The following OGDHL variants were observed in gnomAD, a reference collection of about 807,000 sequenced individuals.
The protein encoded by OGDHL is 2-oxoglutarate dehydrogenase-like, mitochondrial.
OGDHL carries 79 observed loss-of-function variants against 109.6 expected under a neutral mutation model. The ratio of observed to expected loss-of-function variants is 0.72; its 90% confidence interval spans 0.60 to 0.87. The LOEUF (loss-of-function observed/expected upper bound fraction) is 0.87. Among genes scored for constraint, OGDHL ranks in the 40% least tolerant of loss-of-function variants. The pLI is 0.00. For synonymous variants in OGDHL, 528 were observed against 537.2 expected (o/e 0.98, Z 0.24); for missense variants, 1,275 against 1,362.2 (o/e 0.94, Z 1.01).
At chr10:49,755,587 A>G (rs1842869831) in intron 3 of OGDHL, among the ~76,000 whole-genome samples, 1 of 152,034 alleles carries the variant, frequency 6.6e-6, no homozygotes, top group South Asian at 2.1e-4. Flanking sequence ...TGTGCAGGTG[A>G]TTCTAACCAC....
At chr10:49,757,090 C>A in intron 2 of OGDHL, 144 bp from the exon 3 acceptor site, 3 of 695,288 alleles carry the variant, frequency 4.3e-6, no homozygotes, top group South Asian at 4.9e-5. Context: ...GATGTACATA[C>A]AACGATGTTC....
intron 16 of OGDHL, 97 bp from the exon 17 acceptor site, chr10:49,739,936 C>G (rs982986441): frequency 3.2e-6 from 4 of 1,269,178 alleles, no homozygotes; most frequent in Non-Finnish European, 4.3e-6. Flanking sequence ...TCCATGCCCC[C>G]ACCCATCCTT....
intron 10 of OGDHL, 126 bp downstream of exon 10, chr10:49,746,624 T>C: frequency 7.9e-7 from 1 of 1,261,700 alleles, no homozygotes; most frequent in Non-Finnish European, 1.1e-6. Flanking sequence ...AAGAGCAGGG[T>C]CCTGCCTGGT....
At chr10:49,740,625 G>A in intron 16 of OGDHL, 85 bp downstream of exon 16, 1 of 1,505,118 alleles carries the variant, frequency 6.6e-7, no homozygotes, top group Non-Finnish European at 8.9e-7. Flanking sequence ...GCCCCTCCCA[G>A]GCCCTGGCCC....
In OGDHL at chr10:49,745,443, C is replaced by T. The variant is rs762511100; in HGVS notation, c.1530G>A (p.Gln510=). 1.2e-6 allele frequency: 2 copies of T among 1,614,164 alleles called. No homozygotes were observed. Among genetic ancestry groups the T allele is most frequent in the East Asian group, 4.5e-5 (2 of 44,876 alleles). The part of the protein sequence containing the change: ...HNEMDEPMFT[Q]PLMYKQIHRQ... ...TGTGGATCTGCTTGTACATGAGCGG[C>T]TGGGTGAACATGGGCTCGTCCATCT... Residue 510 remains glutamine, a synonymous_variant, in exon 12 of 23, where the codon CAG becomes CAA. Transcript: ENST00000374103.
rs1196603957 is a variant in OGDHL at position 49,751,861 on chromosome 10, G to A, written c.715C>T (p.Arg239Trp). Residue 239 changes from arginine (R) to tryptophan (W), a missense_variant, in exon 6 of 23, where the codon CGG (arginine) becomes TGG (tryptophan). By Grantham distance (101) the Arg-to-Trp change is moderately radical. Coordinates refer to ENST00000374103, the MANE Select transcript of OGDHL (RefSeq NM_018245.3). ...GVMQFSSEEK[R>W]TLLARLVRSM... is the part of the protein sequence containing the mutation. ...CGCACTAGCCGGGCCAGCAGGGTCC[G>A]CTTCTCCTCGCTGGAGAACTGCATC... is the stretch of plus-strand genomic sequence containing the variant. 4.3e-6 allele frequency: 7 copies of A among 1,613,950 alleles called. No homozygotes were observed. The highest frequency in any genetic ancestry group is 2.7e-5 in the African/African-American group (2 of 74,908).
At chr10:49,740,584 G>T in intron 16 of OGDHL, 126 bp downstream of exon 16, 1 of 1,197,804 alleles carries the variant, frequency 8.3e-7, no homozygotes, top group Non-Finnish European at 1.1e-6. Flanking sequence ...ATCCCCCAGG[G>T]CCATCCCCTA....
At chr10:49,741,301 G>A (rs998195003) in intron 15 of OGDHL, among the ~76,000 whole-genome samples, 5 of 152,078 alleles carry the variant, frequency 3.3e-5, no homozygotes, top group African/African-American at 9.7e-5. Flanking sequence ...TGCAGTAGCC[G>A]AGGTGGGCAC....
intron 1 of OGDHL, among the ~76,000 whole-genome samples, chr10:49,759,299 G>T (rs903537824): frequency 1.4e-4 from 21 of 151,832 alleles, no homozygotes; most frequent in Admixed American, 1.0e-3. Flanking sequence ...GTCTGGAGGG[G>T]CAGGAAGAGT....
At chr10:49,759,841 C>G (rs1360613864) in intron 1 of OGDHL, among the ~76,000 whole-genome samples, 1 of 152,216 alleles carries the variant, frequency 6.6e-6, no homozygotes, top group African/African-American at 2.4e-5. Context: ...GTCCCCTACC[C>G]CTGGACAGCT....
chr10:49,758,674 C>G, intron 1 of OGDHL, 81 bp from the exon 2 acceptor site: 15 of 1,375,852 alleles, frequency 1.1e-5, no homozygotes, highest in Non-Finnish European at 1.4e-5. Flanking sequence ...GTCCGCTCAT[C>G]AGCACTTGTC....
At chr10:49,761,568 A>G (rs1360555001) in intron 1 of OGDHL, among the ~76,000 whole-genome samples, 2 of 152,212 alleles carry the variant, frequency 1.3e-5, no homozygotes, top group Non-Finnish European at 2.9e-5. Context: ...GGCCTGTTCC[A>G]AGACACTGGG....
chr10:49,742,139 CAAACATA>C, intron 15 of OGDHL, among the ~76,000 whole-genome samples: 1 of 132,186 alleles, frequency 7.6e-6, no homozygotes, highest in Admixed American at 7.6e-5. Context: ...ACACACACAC[CAAACATA>C]CACACACATC....
rs182592962 is a variant in OGDHL, at chr10:49,756,055, C to A, written c.375+721G>T. ...ACTCTGTTCCATCCCACAGATTGGG[C>A]AGCTCATTCAGAGGCAAAGCATCAT... On this transcript the variant is annotated intron_variant, in intron 3 of 22. Transcript: ENST00000374103. Among the ~76,000 whole-genome samples, 269 of 152,342 alleles carry A rather than the reference C, an allele frequency of 1.8e-3. 1 individual carries two copies. In the Middle Eastern group the frequency reaches 0.024, roughly 13 times the overall value.
chr10:49,747,943 C>T (rs1366972641), intron 8 of OGDHL, among the ~76,000 whole-genome samples: 4 of 152,150 alleles, frequency 2.6e-5, no homozygotes, highest in African/African-American at 7.2e-5. Flanking sequence ...GAATTCATAA[C>T]AAAGAAATGC....
At position 49,734,969 on chromosome 10, in the gene OGDHL, A is replaced by G; in HGVS notation, c.*259T>C. 3.2e-6 allele frequency: 1 copy of G among 308,752 alleles called. No homozygotes were observed. The highest frequency in any genetic ancestry group is 5.9e-6 in the Non-Finnish European group (1 of 169,306). 19.1% of individuals were successfully genotyped at this position (308,752 alleles called of 1,614,324 possible). On this transcript the variant is annotated 3_prime_UTR_variant, in exon 23 of 23. Coordinates refer to ENST00000374103, the MANE Select transcript of OGDHL (RefSeq NM_018245.3). ...TACAGGTGGAGAAGCCGCCCAAGAA[A>G]TTCCAGCAAGATGGGAGCAGCTGGG...
At chr10:49,736,306 C>G (rs757487135) in intron 21 of OGDHL, 51 bp downstream of exon 21, 11 of 1,605,910 alleles carry the variant, frequency 6.8e-6, no homozygotes, top group Non-Finnish European at 8.5e-6. Context: ...GAGCCGGGGC[C>G]AGCGACGTGA....
chr10:49,748,424 A>G (rs1440284102), intron 8 of OGDHL, among the ~76,000 whole-genome samples: 1 of 152,262 alleles, frequency 6.6e-6, no homozygotes, highest in Non-Finnish European at 1.5e-5. Flanking sequence ...AGAAGCACAC[A>G]AACAAAATTG....
intron 20 of OGDHL, among the ~76,000 whole-genome samples, chr10:49,736,768 C>A (rs1453622131): frequency 6.6e-6 from 1 of 152,124 alleles, no homozygotes; most frequent in South Asian, 2.1e-4. Flanking sequence ...TTAAGGTGAC[C>A]GGAGGTGGGG....
Sources: allele counts gnomAD v4.1 joint callset (sites outside exome capture counted in the v4.1 genomes callset), GRCh38; gene constraint gnomAD v4.1.1; transcripts MANE v1.5; gene names NCBI Gene and HGNC (gene_info 2026-07-23, HGNC 2026-07-21).